The following IMMP2L variants were observed in gnomAD, a reference collection of about 807,000 sequenced individuals.
IMMP2L encodes mitochondrial inner membrane protease subunit 2.
In IMMP2L, 18 loss-of-function variants were observed where a neutral mutation model predicts 19.3. That is an observed-to-expected ratio of 0.93 (90% CI 0.64 to 1.38). IMMP2L has a LOEUF of 1.38. Among genes scored for constraint, IMMP2L ranks in the 40% most tolerant of loss-of-function variants. The pLI, the probability that IMMP2L is intolerant of heterozygous loss-of-function variation, is 0.00. For synonymous variants in IMMP2L, 76 were observed against 73.0 expected, an observed-to-expected ratio of 1.04 and a Z score of -0.21; for missense variants, 233 against 218.2, an observed-to-expected ratio of 1.07 and a Z score of -0.43.
intron 3 of IMMP2L, among the ~76,000 whole-genome samples, chr7:111,334,845 C>T (rs568152773): frequency 6.6e-6 from 1 of 152,132 alleles, no homozygotes; most frequent in South Asian, 2.1e-4. Context: ...CTTTTCCTAA[C>T]GTCTCTCAGT....
chr7:111,513,425 G>C (rs1845621856), intron 2 of IMMP2L, among the ~76,000 whole-genome samples: 1 of 152,110 alleles, frequency 6.6e-6, no homozygotes, highest in African/African-American at 2.4e-5. Context: ...CCTCATACCT[G>C]TTAGGAAGGC....
chr7:111,540,561 A>T lies in IMMP2L; in HGVS notation c.-2-19112T>A, dbSNP rs926397942. On this transcript the variant is annotated intron_variant, in intron 1 of 5. Transcript: ENST00000405709. Reference sequence around the variant, plus strand: ...CCCTATATTAGCACTGTAACCCACAAGGCCCTCTTCCACTTCCAAACTCCT... The same window carrying T: ...CCCTATATTAGCACTGTAACCCACATGGCCCTCTTCCACTTCCAAACTCCT... 3.3e-5 allele frequency among the ~76,000 whole-genome samples: 5 copies of T among 152,142 alleles called. No individual in the cohort carries two copies. In the East Asian group the frequency reaches 9.6e-4, roughly 29 times the overall value.
intron 3 of IMMP2L, among the ~76,000 whole-genome samples, chr7:111,291,541 T>A (rs1043093540): frequency 1.3e-5 from 2 of 152,122 alleles, no homozygotes; most frequent in African/African-American, 4.8e-5. Context: ...CTTCCTTCAG[T>A]TTAAAATCCA....
chr7:110,997,782 T>G (rs1823200399), intron 3 of IMMP2L, among the ~76,000 whole-genome samples: 1 of 152,150 alleles, frequency 6.6e-6, no homozygotes, highest in Non-Finnish European at 1.5e-5. Flanking sequence ...ATATGCGGTT[T>G]GCAAATACTT....
intron 3 of IMMP2L, among the ~76,000 whole-genome samples, chr7:111,350,101 T>G (rs37650): frequency 0.23 from 34,224 of 151,488 alleles, 5,678 homozygotes; most frequent in African/African-American, 0.47. Context: ...CCAAGTAGCT[T>G]GGATTACACG....
chr7:111,051,875 A>G (rs1434587552), intron 3 of IMMP2L, among the ~76,000 whole-genome samples: 1 of 152,216 alleles, frequency 6.6e-6, no homozygotes, highest in African/African-American at 2.4e-5. Flanking sequence ...TAAGCCTCCA[A>G]CTGACTCAAT....
chr7:111,134,187 T>C (rs1006492136), intron 3 of IMMP2L, among the ~76,000 whole-genome samples: 4 of 152,024 alleles, frequency 2.6e-5, no homozygotes, highest in Middle Eastern at 3.2e-3. Flanking sequence ...TAAACAGATA[T>C]AGGAAAAACC....
chr7:111,160,608 G>A (rs886127142), intron 3 of IMMP2L, among the ~76,000 whole-genome samples: 1 of 151,494 alleles, frequency 6.6e-6, no homozygotes, highest in Middle Eastern at 3.5e-3. Context: ...TAAGATAGAA[G>A]GCTATAAATT....
At chr7:111,148,831 T>A (rs1021984825) in intron 3 of IMMP2L, among the ~76,000 whole-genome samples, 4 of 152,080 alleles carry the variant, frequency 2.6e-5, no homozygotes, top group Non-Finnish European at 4.4e-5. Flanking sequence ...TATACTTTGT[T>A]ATGAAACACT....
chr7:111,124,926 A>T (rs1562824640), intron 3 of IMMP2L: 3 of 1,445,142 alleles, frequency 2.1e-6, no homozygotes, highest in Non-Finnish European at 2.8e-6. Context: ...CTACTCCAAA[A>T]ATGAACAAAA....
intron 3 of IMMP2L, among the ~76,000 whole-genome samples, chr7:111,179,627 C>T (rs932712504): frequency 4.6e-5 from 7 of 152,058 alleles, no homozygotes; most frequent in Non-Finnish European, 1.0e-4. Context: ...AACTTAAAGT[C>T]ATCAGCTACA....
At chr7:111,215,670 T>C (rs933147670) in intron 3 of IMMP2L, among the ~76,000 whole-genome samples, 4 of 152,172 alleles carry the variant, frequency 2.6e-5, no homozygotes, top group African/African-American at 9.7e-5. Flanking sequence ...GAAAAGTATG[T>C]CAATCATTGG....
At chr7:110,705,211 A>G (rs1033945977) in intron 5 of IMMP2L, among the ~76,000 whole-genome samples, 2 of 152,178 alleles carry the variant, frequency 1.3e-5, no homozygotes, top group South Asian at 4.1e-4. Context: ...AAGATAATCA[A>G]GAGTTGGCTA....
intron 3 of IMMP2L, among the ~76,000 whole-genome samples, chr7:111,445,643 G>C (rs1198422296): frequency 2.0e-5 from 3 of 152,120 alleles, no homozygotes; most frequent in Non-Finnish European, 4.4e-5. Context: ...CCCTTTTATG[G>C]AGTGCTAAAA....
At chr7:111,285,093 G>A (rs148807884) in intron 3 of IMMP2L, among the ~76,000 whole-genome samples, 1 of 152,164 alleles carries the variant, frequency 6.6e-6, no homozygotes, top group East Asian at 1.9e-4. Context: ...AGTTTGCACC[G>A]ACAGCATCAC....
intron 4 of IMMP2L, among the ~76,000 whole-genome samples, chr7:110,940,440 T>C (rs1049937027): frequency 2.0e-5 from 3 of 152,060 alleles, no homozygotes; most frequent in South Asian, 2.1e-4. Context: ...ATCTCAGAAA[T>C]AGAAAGGATC....
At chr7:111,097,422 A>C (rs1368890767) in intron 3 of IMMP2L, 2 of 151,864 alleles carry the variant, frequency 1.3e-5, no homozygotes, top group African/African-American at 4.8e-5. Flanking sequence ...CTTTTTTCTA[A>C]AATTATCAAA....
At position 110,976,385 on chromosome 7, in the gene IMMP2L, G is replaced by A. The variant is rs6970125; in HGVS notation, c.240-12820C>T. Among the ~76,000 whole-genome samples, 611 of 151,958 alleles carry A rather than the reference G, an allele frequency of 4.0e-3. 4 individuals are homozygous for A. The highest frequency in any genetic ancestry group is 0.013 in the African/African-American group (559 of 41,496). On this transcript the variant is annotated intron_variant, in intron 3 of 5. Transcript: ENST00000405709. ...CCTGGCTTATTTCATTTAGCATAAC[G>A]TCTTCAAGACTCACCCATGTTGTAG...
At chr7:111,100,097 C>T (rs1313346557) in intron 3 of IMMP2L, 2 of 151,534 alleles carry the variant, frequency 1.3e-5, no homozygotes, top group African/African-American at 4.8e-5. Flanking sequence ...GACTCTGAAG[C>T]CCATGTTATG....
Sources: gnomAD v4.1 joint callset for allele counts (sites outside exome capture counted in the v4.1 genomes callset) on GRCh38, gnomAD v4.1.1 for gene constraint, MANE v1.5 for transcripts, NCBI Gene and HGNC (gene_info 2026-07-23, HGNC 2026-07-21) for gene names.